EFL1: variants seen among roughly 807,000 people sequenced by gnomAD.
EFL1 encodes elongation factor-like GTPase 1.
A neutral mutation model predicts 126.7 loss-of-function variants in EFL1; 76 were observed. The observed-to-expected ratio is 0.60, with a 90% CI of 0.50 to 0.73. The LOEUF is 0.73. Ranked by LOEUF, EFL1 falls within the 30% of genes least tolerant of loss-of-function variation. EFL1 has a pLI of 0.00. For synonymous variants in EFL1, 410 were observed against 448.4 expected (o/e 0.91, Z 1.08); for missense variants, 1,128 against 1,343.2 (o/e 0.84, Z 2.50).
intron 3 of EFL1, among the ~76,000 whole-genome samples, chr15:82,253,339 CCTCT>C (rs990641506): frequency 2.0e-5 from 3 of 151,870 alleles, no homozygotes; most frequent in African/African-American, 7.3e-5. Flanking sequence ...CGCGCCTAGC[CCTCT>C]CTCTTTTTTT....
intron 15 of EFL1, among the ~76,000 whole-genome samples, chr15:82,211,651 A>T (rs1221334708): frequency 8.1e-6 from 1 of 123,570 alleles, no homozygotes; most frequent in African/African-American, 3.4e-5. Flanking sequence ...TCCTGTCTTA[A>T]ACTTACTCCT....
intron 4 of EFL1, 118 bp from the exon 5 acceptor site, chr15:82,241,521 G>A: frequency 1.5e-6 from 2 of 1,294,912 alleles, no homozygotes; most frequent in Admixed American, 5.6e-5. Context: ...AAAGCTAAAG[G>A]AGTTGAAAGC....
chr15:82,231,275 C>A (rs2074819628), intron 7 of EFL1, among the ~76,000 whole-genome samples: 2 of 152,064 alleles, frequency 1.3e-5, no homozygotes, highest in Non-Finnish European at 2.9e-5. Context: ...AAATTAGGGA[C>A]AAGAAAATGC....
rs1472136313 is a variant in EFL1, at chr15:82,228,920, C to G, written c.932+114G>C. On this transcript the variant is annotated intron_variant, in intron 9 of 19. Coordinates refer to ENST00000268206, the MANE Select transcript of EFL1 (RefSeq NM_024580.6). Reference sequence around the variant, plus strand: ...CCTGTAATCAACTCATCTGTAGAAGCTCTGTTCATTTTCTCAGAAAATCTC... The same window carrying G: ...CCTGTAATCAACTCATCTGTAGAAGGTCTGTTCATTTTCTCAGAAAATCTC... 8.8e-5 allele frequency: 76 copies of G among 861,862 alleles called. 1 individual carries two copies. The highest frequency in any genetic ancestry group is 1.2e-4 in the Non-Finnish European group (68 of 563,232). The allele number at this position is 861,862 out of a possible 1,614,324, so 53.4% of individuals were successfully genotyped here. A position where few individuals can be genotyped will look rare whatever the true frequency, so the allele number is the denominator to read the frequency against.
intron 17 of EFL1, among the ~76,000 whole-genome samples, chr15:82,155,439 T>C (rs1377897100): frequency 6.6e-6 from 1 of 151,792 alleles, no homozygotes; most frequent in Non-Finnish European, 1.5e-5. Context: ...GAAGCGGAGG[T>C]TGTAGTAAGC....
At chr15:82,141,111 G>C (rs150441434) in intron 18 of EFL1, among the ~76,000 whole-genome samples, 2 of 152,182 alleles carry the variant, frequency 1.3e-5, no homozygotes, top group Non-Finnish European at 2.9e-5. Flanking sequence ...GACTAGACCT[G>C]TATTTCCTGT....
intron 15 of EFL1, among the ~76,000 whole-genome samples, chr15:82,169,329 G>A (rs934339446): frequency 1.6e-4 from 24 of 152,024 alleles, no homozygotes; most frequent in South Asian, 2.1e-4. Context: ...AGCTCCATTT[G>A]GGTCAGTCTG....
chr15:82,237,318 C>T (rs372453487), intron 7 of EFL1, among the ~76,000 whole-genome samples: 86 of 152,088 alleles, frequency 5.7e-4, no homozygotes, highest in African/African-American at 2.0e-3. Context: ...TTCAGGAGTA[C>T]GAAGAAAACA....
chr15:82,178,177 G>T (rs1441062829), intron 15 of EFL1, among the ~76,000 whole-genome samples: 4 of 152,200 alleles, frequency 2.6e-5, no homozygotes, highest in Non-Finnish European at 5.9e-5. Flanking sequence ...TGCTGACAGA[G>T]CATCTTTGAA....
intron 18 of EFL1, among the ~76,000 whole-genome samples, chr15:82,148,920 G>A (rs915525867): frequency 2.0e-5 from 3 of 151,936 alleles, no homozygotes; most frequent in Non-Finnish European, 2.9e-5. Flanking sequence ...CAAGTATGAG[G>A]TAAATCTTGG....
At chr15:82,170,788 C>A (rs61413136) in intron 15 of EFL1, among the ~76,000 whole-genome samples, 11,258 of 152,188 alleles carry the variant, frequency 0.074, 641 homozygotes, top group African/African-American at 0.15. Context: ...TATTCAGGAT[C>A]AGATCCATTT....
chr15:82,259,565 C>T (rs2075095284), intron 2 of EFL1, among the ~76,000 whole-genome samples: 1 of 152,142 alleles, frequency 6.6e-6, no homozygotes, highest in African/African-American at 2.4e-5. Flanking sequence ...ATGTGGAGGG[C>T]ATAAACATAC....
chr15:82,146,354 T>C (rs2073845732), intron 18 of EFL1, among the ~76,000 whole-genome samples: 1 of 152,178 alleles, frequency 6.6e-6, no homozygotes, highest in South Asian at 2.1e-4. Context: ...AAGTCTGAAG[T>C]CTTCTCAGAA....
chr15:82,194,657 G>A (rs370931968), intron 15 of EFL1, among the ~76,000 whole-genome samples: 46 of 152,280 alleles, frequency 3.0e-4, no homozygotes, highest in African/African-American at 9.4e-4. Context: ...GATTTTAAAC[G>A]GTGAAAGGCG....
At chr15:82,215,418 T>C (rs930837195) in intron 14 of EFL1, among the ~76,000 whole-genome samples, 4 of 152,094 alleles carry the variant, frequency 2.6e-5, no homozygotes, top group African/African-American at 9.7e-5. Flanking sequence ...TGCTGTGATA[T>C]ATTAGGAACA....
At position 82,130,568 on chromosome 15, in the gene EFL1, A is replaced by C. The variant is rs1567033386; in HGVS notation, c.3175-7T>G. ...AGGGGTCACTGGGAATGATCTTGTA[A>C]AAGAAGATGACAGAATGTGCAAGGT... On this transcript the variant is annotated splice_region_variant and splice_polypyrimidine_tract_variant and intron_variant, in intron 19 of 19. Coordinates refer to ENST00000268206, the MANE Select transcript of EFL1 (RefSeq NM_024580.6). 2 of 1,613,154 alleles carry C rather than the reference A, an allele frequency of 1.2e-6. No homozygotes were observed. The highest frequency in any genetic ancestry group is 1.7e-6 in the Non-Finnish European group (2 of 1,179,644).
At chr15:82,149,323 T>C (rs2073883479) in intron 18 of EFL1, among the ~76,000 whole-genome samples, 2 of 152,206 alleles carry the variant, frequency 1.3e-5, no homozygotes, top group Admixed American at 1.3e-4. Context: ...AACTACATGA[T>C]TTCTACAGTC....
intron 15 of EFL1, among the ~76,000 whole-genome samples, chr15:82,173,050 T>C (rs932238465): frequency 6.6e-6 from 1 of 152,164 alleles, no homozygotes; most frequent in Non-Finnish European, 1.5e-5. Flanking sequence ...GAAAAACTCA[T>C]CTATGTGCAC....
Position 82,163,969 on chromosome 15 carries a change from T to C in EFL1, c.1766A>G (p.Gln589Arg), listed in dbSNP as rs1464965794. The change falls in exon 16 of 20, where the codon CAA becomes CGA. Residue 589 changes from glutamine (Q) to arginine (R), a missense_variant. Coordinates refer to ENST00000268206, the MANE Select transcript of EFL1 (RefSeq NM_024580.6). Reference protein sequence around the residue: ...PGNVLGIGGLQDFVLKSATLC... With the variant: ...PGNVLGIGGLRDFVLKSATLC... Reference sequence around the variant, plus strand: ...TGTTGCAGATTTCAGCACAAAATCTTGAAGGCCTCCTATTCCTGTAGGAAG... The same window carrying C: ...TGTTGCAGATTTCAGCACAAAATCTCGAAGGCCTCCTATTCCTGTAGGAAG... 2 of 1,613,914 alleles carry C rather than the reference T, an allele frequency of 1.2e-6. No homozygotes were observed. The highest frequency in any genetic ancestry group is 1.7e-6 in the Non-Finnish European group (2 of 1,179,948).
Sources: gnomAD v4.1 joint callset for allele counts (sites outside exome capture counted in the v4.1 genomes callset) on GRCh38, gnomAD v4.1.1 for gene constraint, MANE v1.5 for transcripts, NCBI Gene and HGNC (gene_info 2026-07-23, HGNC 2026-07-21) for gene names.